NSRP1: variants seen among roughly 807,000 people sequenced by gnomAD.
NSRP1 encodes coiled-coil domain containing 55.
In NSRP1, 24 loss-of-function variants were observed where a neutral mutation model predicts 54.7. That is an observed-to-expected ratio of 0.44 (90% CI 0.32 to 0.62). The LOEUF (loss-of-function observed/expected upper bound fraction) is 0.62, where lower values mean the gene tolerates loss of function less well. Among genes scored for constraint, NSRP1 ranks in the 20% least tolerant of loss-of-function variants. NSRP1 has a pLI of 0.06. For missense variants in NSRP1, 596 were observed against 651.2 expected, an observed-to-expected ratio of 0.92 and a Z score of 0.92; for synonymous variants, 210 against 213.8, an observed-to-expected ratio of 0.98 and a Z score of 0.15.
At position 30,148,893 on chromosome 17, in the gene NSRP1, A is replaced by G. The variant is rs895331950; in HGVS notation, c.115-23649A>G. On this transcript the variant is annotated intron_variant, in intron 2 of 6. Coordinates refer to ENST00000247026, the MANE Select transcript of NSRP1 (RefSeq NM_032141.4). ...GATTAATCTTGCCAAAAGTTTGTCT[A>G]TCTTATAAAATCTTTTGAAATAACT... 2.6e-5 allele frequency among the ~76,000 whole-genome samples: 4 copies of G among 152,184 alleles called. No individual in the cohort carries two copies. The South Asian group carries it at 6.2e-4, about 24-fold the overall frequency.
chr17:30,169,996 G>A (rs990931067), intron 2 of NSRP1, among the ~76,000 whole-genome samples: 2 of 150,670 alleles, frequency 1.3e-5, no homozygotes, highest in Non-Finnish European at 3.0e-5. Context: ...TTAAGACTTC[G>A]TTTTTTTTTA....
In NSRP1 at chr17:30,164,604, C is replaced by G. The variant is rs192904130; in HGVS notation, c.115-7938C>G. The stretch of plus-strand genomic sequence containing the variant: ...TTGAGCCCAGGGGTTTGAGACCAGC[C>G]TGGGCAACAAAGCAAGACCCTGTCT... On this transcript the variant is annotated intron_variant, in intron 2 of 6. Coordinates refer to ENST00000247026, the MANE Select transcript of NSRP1 (RefSeq NM_032141.4). Among the ~76,000 whole-genome samples the G allele has an allele frequency of 1.1e-4, 17 of 152,058 alleles. No homozygotes were observed. In the East Asian group the frequency reaches 3.3e-3, roughly 29 times the overall value.
chr17:30,133,565 A>G (rs896429761), intron 2 of NSRP1, among the ~76,000 whole-genome samples: 2 of 152,212 alleles, frequency 1.3e-5, no homozygotes, highest in Non-Finnish European at 2.9e-5. Context: ...TAAGGGCCCT[A>G]GCATTTTTCA....
chr17:30,177,810 CATT>C, intron 3 of NSRP1: 1 of 474,298 alleles, frequency 2.1e-6, no homozygotes. Context: ...TAAATATAGT[CATT>C]ATTCTTTCTC....
chr17:30,171,976 CCTCTCTCTCT>C lies in NSRP1; in HGVS notation c.115-536_115-527del, dbSNP rs58666089. 1.6e-3 allele frequency among the ~76,000 whole-genome samples: 131 copies of C among 80,434 alleles called. 3 individuals are homozygous for C. The highest frequency in any genetic ancestry group is 0.017 in the Middle Eastern group (2 of 118). The allele number at this position is 80,434 out of a possible 152,430, so 52.8% of individuals were successfully genotyped here. On this transcript the variant is annotated intron_variant, in intron 2 of 6. Coordinates refer to ENST00000247026, the MANE Select transcript of NSRP1 (RefSeq NM_032141.4). Reference sequence around the variant, plus strand: ...CACACACACACACACACACACACTCCCTCTCTCTCTCTCTCTCTCTCTCTCTCTCTCTCTC... The same window carrying C: ...CACACACACACACACACACACACTCCCTCTCTCTCTCTCTCTCTCTCTCTC...
At chr17:30,181,595 T>G (rs1184342368) in intron 6 of NSRP1, among the ~76,000 whole-genome samples, 2 of 114,932 alleles carry the variant, frequency 1.7e-5, no homozygotes, top group East Asian at 1.1e-3. Context: ...GTTGTGTGTG[T>G]GGTTTTTTTT....
chr17:30,133,042 C>T (rs531199160), intron 2 of NSRP1, among the ~76,000 whole-genome samples: 4 of 151,908 alleles, frequency 2.6e-5, no homozygotes, highest in East Asian at 1.9e-4. Flanking sequence ...TGGGCTCAAA[C>T]GATCCTCCCA....
chr17:30,121,570 G>GTTT (rs36072997), intron 2 of NSRP1, among the ~76,000 whole-genome samples: 5 of 132,776 alleles, frequency 3.8e-5, no homozygotes, highest in African/African-American at 8.4e-5. Context: ...GTGTGTGTGT[G>GTTT]TTTTTTTTTT....
intron 2 of NSRP1, among the ~76,000 whole-genome samples, chr17:30,131,137 T>C (rs984277891): frequency 6.6e-6 from 1 of 152,238 alleles, no homozygotes; most frequent in African/African-American, 2.4e-5. Context: ...CTATGTCTTT[T>C]TCTCTCTACT....
At chr17:30,142,566 A>G (rs1003580432) in intron 2 of NSRP1, among the ~76,000 whole-genome samples, 27 of 152,132 alleles carry the variant, frequency 1.8e-4, no homozygotes, top group African/African-American at 6.5e-4. Flanking sequence ...TCCTGGCCTC[A>G]AACGATCCTC....
chr17:30,152,615 C>A (rs2071922915), intron 2 of NSRP1, among the ~76,000 whole-genome samples: 1 of 151,886 alleles, frequency 6.6e-6, no homozygotes, highest in Non-Finnish European at 1.5e-5. Context: ...GGCCCAACTT[C>A]ATTCTTTTGC....
At chr17:30,121,426 G>C (rs1382385893) in intron 2 of NSRP1, among the ~76,000 whole-genome samples, 1 of 150,708 alleles carries the variant, frequency 6.6e-6, no homozygotes, top group Non-Finnish European at 1.5e-5. Flanking sequence ...GAATATATGG[G>C]AAAGAGATGG....
intron 2 of NSRP1, among the ~76,000 whole-genome samples, chr17:30,154,918 C>T (rs994060869): frequency 3.3e-5 from 5 of 152,118 alleles, no homozygotes; most frequent in Non-Finnish European, 7.4e-5. Context: ...TAGGGATATT[C>T]AGCCTGTACT....
chr17:30,122,349 T>TGTGTGTGTATATATATA (rs1481107161), intron 2 of NSRP1: 4 of 72,304 alleles, frequency 5.5e-5, no homozygotes, highest in African/African-American at 2.3e-4. Flanking sequence ...ATAACTCTGG[T>TGTGTGTGTATATATATA]TTCATATATA....
At chr17:30,154,005 G>A (rs201284632) in intron 2 of NSRP1, among the ~76,000 whole-genome samples, 3 of 151,882 alleles carry the variant, frequency 2.0e-5, no homozygotes, top group African/African-American at 7.3e-5. Flanking sequence ...GTTGTTTTTT[G>A]TCTTATTTTA....
intron 2 of NSRP1, among the ~76,000 whole-genome samples, chr17:30,139,227 A>T (rs1420515617): frequency 6.6e-6 from 1 of 151,700 alleles, no homozygotes; most frequent in Non-Finnish European, 1.5e-5. Flanking sequence ...ATCTTTGCCC[A>T]TTTTTTAATC....
intron 2 of NSRP1, among the ~76,000 whole-genome samples, chr17:30,136,487 C>CA (rs2071752117): frequency 6.6e-6 from 1 of 152,182 alleles, no homozygotes; most frequent in African/African-American, 2.4e-5. Context: ...CTCATGTAAT[C>CA]ATGTTAATTG....
rs189933847 is a variant in NSRP1 at position 30,140,621 on chromosome 17, C to G, written c.114+22448C>G. ...TCGGCTCACTGCAACCCTTGCCTCT[C>G]AGGCTCAAGCGATTCTCCTGCCTCA... is the stretch of plus-strand genomic sequence containing the variant. On this transcript the variant is annotated intron_variant, in intron 2 of 6. Transcript: ENST00000247026. Among the ~76,000 whole-genome samples the G allele has an allele frequency of 1.8e-3, 263 of 144,082 alleles. 2 individuals carry two copies. The highest frequency in any genetic ancestry group is 6.4e-3 in the African/African-American group (250 of 39,016). 94.5% of individuals were successfully genotyped at this position (144,082 alleles called of 152,430 possible).
intron 2 of NSRP1, among the ~76,000 whole-genome samples, chr17:30,153,866 C>A (rs2071936367): frequency 6.6e-6 from 1 of 152,132 alleles, no homozygotes; most frequent in Non-Finnish European, 1.5e-5. Flanking sequence ...GTCACATTAG[C>A]CACATTTAAT....
Sources: gnomAD v4.1 joint callset for allele counts (sites outside exome capture counted in the v4.1 genomes callset) on GRCh38, gnomAD v4.1.1 for gene constraint, MANE v1.5 for transcripts, NCBI Gene and HGNC (gene_info 2026-07-23, HGNC 2026-07-21) for gene names.